The following GSAP variants were observed in gnomAD, a reference collection of about 807,000 sequenced individuals.
The protein encoded by GSAP is gamma-secretase activating protein, also known as gamma-secretase-activating protein.
A neutral mutation model predicts 131.7 loss-of-function variants in GSAP; 118 were observed. The observed-to-expected ratio is 0.90, with a 90% confidence interval of 0.77 to 1.04. GSAP has a LOEUF of 1.04. Among genes scored for constraint, GSAP ranks in the 50% least tolerant of loss-of-function variants. The pLI is 0.00. For missense variants in GSAP, 1,019 were observed against 1,013.2 expected, an observed-to-expected ratio of 1.01 and a Z score of -0.08; for synonymous variants, 381 against 363.4, an observed-to-expected ratio of 1.05 and a Z score of -0.55.
chr7:77,387,403 T>C lies in GSAP; in HGVS notation c.413A>G (p.Asn138Ser), dbSNP rs531968752. The C allele has an allele frequency of 4.4e-6, 7 of 1,605,786 alleles. No individual in the cohort carries two copies. The African/African-American group carries it at 6.7e-5, about 15-fold the overall frequency. The change falls in exon 6 of 31, where the codon AAT becomes AGT. Residue 138 changes from asparagine to serine, a missense_variant. Transcript: ENST00000257626. ...ATCCACAGCCTTTAGAACCTTCACA[T>C]TGTTAACAGGGTGGATTTCAACCAA... Reference protein sequence around the residue: ...TLLVEIHPVNNVKVLKAVDSY... With the variant: ...TLLVEIHPVNSVKVLKAVDSY...
chr7:77,365,995 C>A (rs1416678410), intron 12 of GSAP, among the ~76,000 whole-genome samples: 1 of 147,526 alleles, frequency 6.8e-6, no homozygotes, highest in Admixed American at 6.9e-5. Flanking sequence ...TTTCTCTAAT[C>A]CTCAGTGATA....
chr7:77,377,767 A>G (rs1420412488), intron 8 of GSAP, among the ~76,000 whole-genome samples: 3 of 152,182 alleles, frequency 2.0e-5, no homozygotes, highest in African/African-American at 4.8e-5. Context: ...AGAGCCCTCC[A>G]CTACCAAAGA....
intron 19 of GSAP, among the ~76,000 whole-genome samples, chr7:77,347,025 G>A (rs1792017896): frequency 6.7e-6 from 1 of 149,884 alleles, no homozygotes; most frequent in Non-Finnish European, 1.5e-5. Context: ...CTGGAGGGAA[G>A]GAATGCTTCC....
chr7:77,322,125 G>C (rs1285792977), intron 24 of GSAP, among the ~76,000 whole-genome samples: 1 of 152,238 alleles, frequency 6.6e-6, no homozygotes, highest in African/African-American at 2.4e-5. Context: ...GGGCAAAGCA[G>C]AAGGATCTCC....
chr7:77,402,701 A>G lies in GSAP; in HGVS notation c.243+1858T>C, dbSNP rs535360676. The stretch of plus-strand genomic sequence containing the variant: ...AAGGTCCGTAAAAAAAAAAAAAAAC[A>G]TATGGGCTGTAAGGGTTGTGCCTAC... On this transcript the variant is annotated intron_variant, in intron 3 of 30. Transcript: ENST00000257626. 2.7e-3 allele frequency among the ~76,000 whole-genome samples: 401 copies of G among 150,290 alleles called. 1 individual carries two copies. The Middle Eastern group carries it at 0.058, about 22-fold the overall frequency.
At chr7:77,366,399 A>C (rs141034877) in intron 12 of GSAP, among the ~76,000 whole-genome samples, 1 of 152,070 alleles carries the variant, frequency 6.6e-6, no homozygotes, top group East Asian at 1.9e-4. Context: ...ATGCATCTTG[A>C]GTTGATTTTT....
At position 77,312,112 on chromosome 7, in the gene GSAP, A is replaced by G. The variant is rs748753640; in HGVS notation, c.2362T>C (p.Tyr788His). The G allele has an allele frequency of 5.0e-6, 8 of 1,587,302 alleles. No individual in the cohort carries two copies. Among genetic ancestry groups the G allele is most frequent in the African/African-American group, 1.4e-5 (1 of 73,632 alleles). Residue 788 changes from tyrosine (Y) to histidine (H), a missense_variant, in exon 29 of 31, where the codon TAT becomes CAT. Coordinates refer to ENST00000257626, the MANE Select transcript of GSAP (RefSeq NM_017439.4). Reference protein sequence around the residue: ...RNHVTRLLQNYKKQPRNSMIN... With the variant: ...RNHVTRLLQNHKKQPRNSMIN... ...TCAGAGAAACTCACCTGTTTCTTATAGTTCTGAAGCAGTCGCGTCACGTGG... is the reference window on the plus strand; with the variant it reads ...TCAGAGAAACTCACCTGTTTCTTATGGTTCTGAAGCAGTCGCGTCACGTGG...
intron 5 of GSAP, among the ~76,000 whole-genome samples, chr7:77,389,833 G>A (rs1251149573): frequency 6.6e-6 from 1 of 152,164 alleles, no homozygotes; most frequent in Non-Finnish European, 1.5e-5. Context: ...GGTATTTCTA[G>A]TTCTAGATCC....
intron 3 of GSAP, among the ~76,000 whole-genome samples, chr7:77,402,593 C>CAAAAAAAAAAAAAAAAAAAAAAAAAAA (rs56739649): frequency 4.0e-4 from 10 of 24,764 alleles, no homozygotes; most frequent in East Asian, 3.2e-3. Flanking sequence ...GACTCTGTCT[C>CAAAAAAAAAAAAAAAAAAAAAAAAAAA]AAAAAAAAAA....
intron 3 of GSAP, among the ~76,000 whole-genome samples, chr7:77,402,629 C>T (rs1269929524): frequency 1.1e-5 from 1 of 92,194 alleles, no homozygotes; most frequent in East Asian, 2.7e-4. Context: ...ATTTTAAAGC[C>T]CATCTAGATT....
At chr7:77,322,690 TAAGA>T (rs1182086723) in intron 24 of GSAP, among the ~76,000 whole-genome samples, 2 of 151,612 alleles carry the variant, frequency 1.3e-5, no homozygotes, top group Non-Finnish European at 1.5e-5. Context: ...GAAGGAGACT[TAAGA>T]AAGATTCAAA....
chr7:77,386,663 C>A (rs1242972836), intron 6 of GSAP, among the ~76,000 whole-genome samples: 1 of 152,130 alleles, frequency 6.6e-6, no homozygotes, highest in Non-Finnish European at 1.5e-5. Flanking sequence ...CAGCGCTATT[C>A]CTGGAAGCCG....
At chr7:77,397,525 T>C in intron 3 of GSAP, 110 bp from the exon 4 acceptor site, 1 of 608,098 alleles carries the variant, frequency 1.6e-6, no homozygotes, top group African/African-American at 1.9e-5. Context: ...GGCAAAATAT[T>C]TTGGTAAAGA....
Position 77,353,559 on chromosome 7 carries a change from C to G in GSAP, c.1408+13G>C. 1 of 1,586,550 alleles carries G rather than the reference C, an allele frequency of 6.3e-7. No homozygotes were observed. Among genetic ancestry groups the G allele is most frequent in the Middle Eastern group, 1.7e-4 (1 of 6,012 alleles). On this transcript the variant is annotated intron_variant, in intron 17 of 30. Coordinates refer to ENST00000257626, the MANE Select transcript of GSAP (RefSeq NM_017439.4). ...AAGTATTCAACTTAAGCTGCAACATCAGCAACACTTACCAATTATAAATTC... is the reference window on the plus strand; with the variant it reads ...AAGTATTCAACTTAAGCTGCAACATGAGCAACACTTACCAATTATAAATTC...
At chr7:77,323,507 CCAA>C in intron 24 of GSAP, 137 bp downstream of exon 24, 3 of 539,030 alleles carry the variant, frequency 5.6e-6, no homozygotes, top group African/African-American at 2.0e-5. Flanking sequence ...ATCTACAGCA[CCAA>C]ATACTGATTT....
At chr7:77,367,177 C>A (rs755556403) in intron 12 of GSAP, among the ~76,000 whole-genome samples, 2 of 152,154 alleles carry the variant, frequency 1.3e-5, no homozygotes, top group East Asian at 3.9e-4. Context: ...CAGGGATAGC[C>A]TGACTTCCTC....
chr7:77,388,294 G>C (rs950296135), intron 5 of GSAP, among the ~76,000 whole-genome samples: 3 of 152,170 alleles, frequency 2.0e-5, no homozygotes, highest in African/African-American at 7.2e-5. Context: ...ACTCCAATTC[G>C]GCAGCACAAT....
At chr7:77,349,866 A>G (rs1195827069) in intron 18 of GSAP, among the ~76,000 whole-genome samples, 2 of 152,110 alleles carry the variant, frequency 1.3e-5, no homozygotes, top group African/African-American at 4.8e-5. Flanking sequence ...GCATGACTTG[A>G]CTGGGTAATT....
At chr7:77,313,937 T>A (rs767399594) in intron 27 of GSAP, among the ~76,000 whole-genome samples, 1 of 151,146 alleles carries the variant, frequency 6.6e-6, no homozygotes, top group African/African-American at 2.4e-5. Context: ...AACTTTGAGA[T>A]GACAGAGTTA....
Sources: allele counts gnomAD v4.1 joint callset (sites outside exome capture counted in the v4.1 genomes callset), GRCh38; gene constraint gnomAD v4.1.1; transcripts MANE v1.5; gene names NCBI Gene and HGNC (gene_info 2026-07-23, HGNC 2026-07-21).